TTC28: variants seen among roughly 807,000 people sequenced by gnomAD.
TTC28 encodes the protein tetratricopeptide repeat protein 28.
A neutral mutation model predicts 198.0 loss-of-function variants in TTC28; 61 were observed. That is an observed-to-expected ratio of 0.31 (90% CI 0.25 to 0.38). TTC28 has a LOEUF of 0.38. TTC28 is among the 10% of genes least tolerant of loss of function. The pLI is 1.00. For synonymous variants in TTC28, 1,171 were observed against 1,297.8 expected (o/e 0.90, Z 2.10); for missense variants, 2,678 against 3,164.0 (o/e 0.85, Z 3.69).
At chr22:28,151,324 T>C (rs1486232189) in intron 6 of TTC28, among the ~76,000 whole-genome samples, 1 of 152,168 alleles carries the variant, frequency 6.6e-6, no homozygotes. Flanking sequence ...ATAAGCTAAT[T>C]TACTGCCAGA....
At position 28,294,100 on chromosome 22, in the gene TTC28, G is replaced by A. The variant is rs188532236; in HGVS notation, c.933+2098C>T. On this transcript the variant is annotated intron_variant, in intron 5 of 22. Transcript: ENST00000397906. ...TCTCCTCAGGGGGAATTTTAAATCA[G>A]CCCTGGAGTCTATTACTTATACATA... Among the ~76,000 whole-genome samples the A allele has an allele frequency of 3.9e-4, 59 of 152,292 alleles. No individual in the cohort carries two copies. The South Asian group carries it at 6.9e-3, about 18-fold the overall frequency.
intron 17 of TTC28, among the ~76,000 whole-genome samples, chr22:27,993,887 C>T (rs966911029): frequency 2.0e-5 from 3 of 152,178 alleles, no homozygotes; most frequent in Non-Finnish European, 4.4e-5. Context: ...ACCCTCAGGC[C>T]CTTCAGGAAC....
intron 2 of TTC28, among the ~76,000 whole-genome samples, chr22:28,511,126 C>T (rs143738348): frequency 2.9e-4 from 44 of 152,180 alleles, no homozygotes; most frequent in Middle Eastern, 3.4e-3. Context: ...CAAACTACCA[C>T]GGACATTATT....
intron 13 of TTC28, among the ~76,000 whole-genome samples, chr22:28,016,338 T>C (rs1210602476): frequency 1.3e-5 from 2 of 152,222 alleles, no homozygotes; most frequent in African/African-American, 4.8e-5. Context: ...AAGGAGAGAT[T>C]ACCAAATTGC....
chr22:28,379,684 T>A (rs2046466389), intron 2 of TTC28, among the ~76,000 whole-genome samples: 1 of 152,190 alleles, frequency 6.6e-6, no homozygotes, highest in Admixed American at 6.5e-5. Flanking sequence ...GATGAAGAGT[T>A]GTGGAGATTA....
At chr22:28,622,181 A>G (rs1424027849) in intron 2 of TTC28, among the ~76,000 whole-genome samples, 1 of 152,210 alleles carries the variant, frequency 6.6e-6, no homozygotes, top group Non-Finnish European at 1.5e-5. Context: ...TGGTAGAAAA[A>G]TAGTTTTTCT....
intron 2 of TTC28, among the ~76,000 whole-genome samples, chr22:28,528,026 C>T (rs1056080170): frequency 6.6e-6 from 1 of 152,062 alleles, no homozygotes; most frequent in Admixed American, 6.6e-5. Context: ...CATGGGAGGC[C>T]CCACCTTGAT....
intron 3 of TTC28, among the ~76,000 whole-genome samples, chr22:28,303,110 G>A (rs182500893): frequency 1.3e-5 from 2 of 152,302 alleles, no homozygotes; most frequent in East Asian, 3.9e-4. Context: ...AACAGGAAGA[G>A]AGACAATATA....
chr22:28,535,342 G>A (rs563169216), intron 2 of TTC28, among the ~76,000 whole-genome samples: 1 of 152,094 alleles, frequency 6.6e-6, no homozygotes, highest in Non-Finnish European at 1.5e-5. Flanking sequence ...CCTACTTTGT[G>A]CTCCTGTCCC....
intron 10 of TTC28, among the ~76,000 whole-genome samples, chr22:28,097,409 C>T (rs1942009861): frequency 6.6e-6 from 1 of 152,158 alleles, no homozygotes; most frequent in Admixed American, 6.5e-5. Context: ...ACACTTTTTT[C>T]CTTATCCCCA....
intron 6 of TTC28, among the ~76,000 whole-genome samples, chr22:28,151,397 AAC>A (rs1569164481): frequency 6.6e-6 from 1 of 152,216 alleles, no homozygotes; most frequent in South Asian, 2.1e-4. Flanking sequence ...TTATTCCAGC[AAC>A]AGTTTTGCAG....
intron 2 of TTC28, among the ~76,000 whole-genome samples, chr22:28,507,815 A>G (rs1320951049): frequency 6.6e-6 from 1 of 152,226 alleles, no homozygotes; most frequent in Non-Finnish European, 1.5e-5. Flanking sequence ...ACTAAGCTTC[A>G]TAAGTGAAGG....
At chr22:28,054,147 C>G (rs527935768) in intron 12 of TTC28, among the ~76,000 whole-genome samples, 68 of 152,134 alleles carry the variant, frequency 4.5e-4, no homozygotes, top group Non-Finnish European at 7.9e-4. Context: ...TGCAGCTATC[C>G]TTCATGATCC....
chr22:28,589,757 C>T (rs1156595995), intron 2 of TTC28, among the ~76,000 whole-genome samples: 2 of 151,998 alleles, frequency 1.3e-5, no homozygotes, highest in African/African-American at 4.8e-5. Context: ...TAACAGAAAA[C>T]GGTCGGGCAT....
At chr22:28,210,656 C>T (rs1297495089) in intron 5 of TTC28, among the ~76,000 whole-genome samples, 1 of 152,088 alleles carries the variant, frequency 6.6e-6, no homozygotes, top group African/African-American at 2.4e-5. Flanking sequence ...ACCAAATCTA[C>T]GTCTGATTGG....
intron 2 of TTC28, among the ~76,000 whole-genome samples, chr22:28,507,306 G>C (rs2048625859): frequency 6.6e-6 from 1 of 152,174 alleles, no homozygotes; most frequent in African/African-American, 2.4e-5. Flanking sequence ...GCCGAGGAAA[G>C]ACTCTCAGAG....
intron 19 of TTC28, among the ~76,000 whole-genome samples, chr22:27,991,434 C>T (rs1937403975): frequency 6.6e-6 from 1 of 152,152 alleles, no homozygotes; most frequent in South Asian, 2.1e-4. Context: ...ACACTTATTA[C>T]AAAATGAGCA....
At chr22:28,501,386 A>G (rs1034277631) in intron 2 of TTC28, among the ~76,000 whole-genome samples, 1 of 152,184 alleles carries the variant, frequency 6.6e-6, no homozygotes, top group African/African-American at 2.4e-5. Flanking sequence ...AGAAAATGGT[A>G]TGACGTGTGA....
chr22:28,497,018 C>G (rs2048465151), intron 2 of TTC28, among the ~76,000 whole-genome samples: 1 of 152,146 alleles, frequency 6.6e-6, no homozygotes, highest in Admixed American at 6.5e-5. Flanking sequence ...CAAGCCTTTA[C>G]TTAAATATCA....
Sources: gnomAD v4.1 joint callset for allele counts (sites outside exome capture counted in the v4.1 genomes callset) on GRCh38, gnomAD v4.1.1 for gene constraint, MANE v1.5 for transcripts, NCBI Gene and HGNC (gene_info 2026-07-23, HGNC 2026-07-21) for gene names.